ITM2B: variants seen among roughly 807,000 people sequenced by gnomAD.
ITM2B encodes the protein integral membrane protein 2B, also known as ABri/ADan amyloid peptide.
Under a neutral mutation model 27.8 loss-of-function variants are expected in ITM2B, and 11 were observed. That is an observed-to-expected ratio of 0.40 (90% CI 0.25 to 0.66). The LOEUF (loss-of-function observed/expected upper bound fraction) is 0.66. Ranked by LOEUF, ITM2B falls within the 30% of genes least tolerant of loss-of-function variation. The pLI is 0.43. For missense variants in ITM2B, 296 were observed against 328.9 expected (o/e 0.90, Z 0.77); for synonymous variants, 114 against 114.3 (o/e 1.00, Z 0.02).
chr13:48,240,140 CTG>C (rs539798224), intron 1 of ITM2B, among the ~76,000 whole-genome samples: 17 of 152,296 alleles, frequency 1.1e-4, no homozygotes, highest in Non-Finnish European at 1.9e-4. Context: ...AAATAATAAT[CTG>C]TAACAATAAT....
At chr13:48,248,050 T>C (rs1419968350) in intron 1 of ITM2B, among the ~76,000 whole-genome samples, 2 of 152,196 alleles carry the variant, frequency 1.3e-5, no homozygotes, top group African/African-American at 4.8e-5. Context: ...GGTAAAGTTA[T>C]ATACCCCAGT....
In ITM2B at chr13:48,269,419, A is replaced by G. The variant is rs1457623949; in HGVS notation, c.*8195A>G. On this transcript the variant is annotated 3_prime_UTR_variant, in exon 6 of 6. Transcript: ENST00000647800. ...GAGTAGCTAGAGCGATCTTTTCTAA[A>G]TCTAAGCCACATCATGTCACTCCCC... 6.6e-6 allele frequency: 1 copy of G among 152,194 alleles called. No individual in the cohort carries two copies. Among genetic ancestry groups the G allele is most frequent in the African/African-American group, 2.4e-5 (1 of 41,428 alleles). The allele number at this position is 152,194 out of a possible 1,614,324, so 9.4% of individuals were successfully genotyped here. A position where few individuals can be genotyped will look rare whatever the true frequency, so the allele number is the denominator to read the frequency against.
At chr13:48,249,092 C>T (rs1951738541) in intron 1 of ITM2B, among the ~76,000 whole-genome samples, 1 of 152,078 alleles carries the variant, frequency 6.6e-6, no homozygotes, top group Non-Finnish European at 1.5e-5. Context: ...GTCATATATC[C>T]ACCCCAACAA....
At chr13:48,260,246 C>G (rs1951813995) in intron 5 of ITM2B, among the ~76,000 whole-genome samples, 1 of 152,150 alleles carries the variant, frequency 6.6e-6, no homozygotes. Context: ...TCCAGTCTAT[C>G]TTTGATGGAC....
chr13:48,243,823 A>AAATT (rs559009054), intron 1 of ITM2B, among the ~76,000 whole-genome samples: 1 of 152,010 alleles, frequency 6.6e-6, no homozygotes, highest in Non-Finnish European at 1.5e-5. Flanking sequence ...TCTCAAAAAA[A>AAATT]AATTAATTAA....
intron 1 of ITM2B, among the ~76,000 whole-genome samples, chr13:48,250,046 T>G (rs1951745377): frequency 1.3e-5 from 2 of 152,250 alleles, no homozygotes; most frequent in African/African-American, 4.8e-5. Flanking sequence ...GGAACATCAT[T>G]TATCTATCAT....
At chr13:48,249,337 T>C (rs559746219) in intron 1 of ITM2B, among the ~76,000 whole-genome samples, 3 of 152,252 alleles carry the variant, frequency 2.0e-5, no homozygotes, top group African/African-American at 4.8e-5. Flanking sequence ...TTTTTATTGC[T>C]ATCTATTTCA....
rs9332258 is a variant in ITM2B, at chr13:48,238,732, C to T, written c.117+5255C>T. 5.1e-3 allele frequency among the ~76,000 whole-genome samples: 782 copies of T among 152,112 alleles called. 5 individuals carry two copies. The highest frequency in any genetic ancestry group is 0.01 in the Middle Eastern group (3 of 294). On this transcript the variant is annotated intron_variant, in intron 1 of 5. Coordinates refer to ENST00000647800, the MANE Select transcript of ITM2B (RefSeq NM_021999.5). ...GAAATTTTGAAATATTTGCATAAAC[C>T]GTTTTTGGCATAGTTGAATTTCATA...
chr13:48,243,823 A>T (rs1183830734), intron 1 of ITM2B, among the ~76,000 whole-genome samples: 1 of 152,012 alleles, frequency 6.6e-6, no homozygotes, highest in African/African-American at 2.4e-5. Flanking sequence ...TCTCAAAAAA[A>T]AATTAATTAA....
chr13:48,258,854 C>A lies in ITM2B; in HGVS notation c.622C>A (p.Arg208Ser). The stretch of plus-strand genomic sequence containing the variant: ...TCATGAGCACATGGTTATTACTGAT[C>A]GCATTGAAAACATTGATCACCTGGG... ...LIHEHMVITDRIENIDHLGFF... is the reference protein window; with the variant it reads ...LIHEHMVITDSIENIDHLGFF... The change falls in exon 5 of 6, where the codon CGC becomes AGC. Residue 208 changes from arginine (R) to serine (S), a missense_variant. Coordinates refer to ENST00000647800, the MANE Select transcript of ITM2B (RefSeq NM_021999.5). 1 of 1,613,280 alleles carries A rather than the reference C, an allele frequency of 6.2e-7. No homozygotes were observed. Among genetic ancestry groups the A allele is most frequent in the Non-Finnish European group, 8.5e-7 (1 of 1,179,264 alleles).
chr13:48,236,761 C>G (rs936920088), intron 1 of ITM2B, among the ~76,000 whole-genome samples: 9 of 152,176 alleles, frequency 5.9e-5, no homozygotes, highest in Non-Finnish European at 2.9e-5. Flanking sequence ...CTCTTTGTTG[C>G]AATGCCTGCT....
chr13:48,250,784 TATTCTC>T (rs956973360), intron 1 of ITM2B, among the ~76,000 whole-genome samples: 1 of 152,188 alleles, frequency 6.6e-6, no homozygotes, highest in Non-Finnish European at 1.5e-5. Context: ...TTATGTGAAT[TATTCTC>T]ATGAAAGAAA....
rs1347658891 is a variant in ITM2B at position 48,233,484 on chromosome 13, G to A, written c.117+7G>A. On this transcript the variant is annotated splice_region_variant and intron_variant, in intron 1 of 5. Coordinates refer to ENST00000647800, the MANE Select transcript of ITM2B (RefSeq NM_021999.5). ...CGTCGCGGTGGACTGCAAGGTCCGA[G>A]CCCGGGGAGGTCGAGGAAGCGGGTG... 1 of 1,508,636 alleles carries A rather than the reference G, an allele frequency of 6.6e-7. No homozygotes were observed. Among genetic ancestry groups the A allele is most frequent in the Non-Finnish European group, 8.9e-7 (1 of 1,125,122 alleles). 93.5% of individuals were successfully genotyped at this position (1,508,636 alleles called of 1,614,324 possible). A position where few individuals can be genotyped will look rare whatever the true frequency, so the allele number is the denominator to read the frequency against.
chr13:48,260,675 G>A (rs1239641283), intron 5 of ITM2B, among the ~76,000 whole-genome samples: 2 of 151,990 alleles, frequency 1.3e-5, no homozygotes, highest in African/African-American at 2.4e-5. Context: ...GCCTCCAGCT[G>A]TATCCATACT....
intron 4 of ITM2B, 27 bp downstream of exon 4, chr13:48,258,263 G>A: frequency 9.3e-7 from 1 of 1,071,706 alleles, no homozygotes; most frequent in Non-Finnish European, 1.5e-6. Context: ...TGTTTTTGAT[G>A]AATGATGCCT....
At chr13:48,241,575 G>A (rs1951700276) in intron 1 of ITM2B, among the ~76,000 whole-genome samples, 1 of 152,152 alleles carries the variant, frequency 6.6e-6, no homozygotes, top group Non-Finnish European at 1.5e-5. Flanking sequence ...TTTGCTCTGA[G>A]AACTCCTTTA....
intron 1 of ITM2B, among the ~76,000 whole-genome samples, chr13:48,240,222 T>C (rs1219127281): frequency 6.6e-6 from 1 of 152,202 alleles, no homozygotes; most frequent in East Asian, 1.9e-4. Context: ...TATTTTTTTG[T>C]TGAGAAACAG....
At chr13:48,259,175 G>C (rs950262897) in intron 5 of ITM2B, among the ~76,000 whole-genome samples, 2 of 152,200 alleles carry the variant, frequency 1.3e-5, no homozygotes, top group African/African-American at 2.4e-5. Context: ...GCCTTGAGAT[G>C]ATGGTACCTC....
chr13:48,263,543 G>A lies in ITM2B; in HGVS notation c.*2319G>A, dbSNP rs1206714866. 6.6e-6 allele frequency: 1 copy of A among 152,216 alleles called. No individual in the cohort carries two copies. The highest frequency in any genetic ancestry group is 1.5e-5 in the Non-Finnish European group (1 of 68,088). 9.4% of individuals were successfully genotyped at this position (152,216 alleles called of 1,614,324 possible). A position where few individuals can be genotyped will look rare whatever the true frequency, so the allele number is the denominator to read the frequency against. On this transcript the variant is annotated 3_prime_UTR_variant, in exon 6 of 6. Transcript: ENST00000647800. ...CTGCCAGGTCTCCCAGTGGGTTCCA[G>A]GGAGACTCAGCTATCCTTCCCTCTT...
Sources: gnomAD v4.1 joint callset for allele counts (sites outside exome capture counted in the v4.1 genomes callset) on GRCh38, gnomAD v4.1.1 for gene constraint, MANE v1.5 for transcripts, NCBI Gene and HGNC (gene_info 2026-07-23, HGNC 2026-07-21) for gene names.